The following SYT9 variants were observed in gnomAD, a reference collection of about 807,000 sequenced individuals.
The protein encoded by SYT9 is synaptotagmin 9, also known as synaptotagmin-9.
In SYT9, 22 loss-of-function variants were observed where a neutral mutation model predicts 48.4. The observed-to-expected ratio is 0.45, with a 90% CI of 0.32 to 0.65. The LOEUF is 0.65. SYT9 is among the 30% of genes least tolerant of loss of function. The probability of loss-of-function intolerance (pLI) is 0.03; values close to 1 mark genes in which losing one functional copy is unlikely to be tolerated. For missense variants in SYT9, 577 were observed against 622.0 expected (o/e 0.93, Z 0.77); for synonymous variants, 265 against 245.0 (o/e 1.08, Z -0.76).
At chr11:7,390,830 C>T (rs561346567) in intron 3 of SYT9, among the ~76,000 whole-genome samples, 18 of 152,012 alleles carry the variant, frequency 1.2e-4, no homozygotes, top group African/African-American at 4.8e-5. Context: ...TTTTAATTTC[C>T]GTTTTTAGTT....
At chr11:7,392,051 C>T (rs1846630592) in intron 3 of SYT9, among the ~76,000 whole-genome samples, 2 of 151,958 alleles carry the variant, frequency 1.3e-5, no homozygotes, top group Non-Finnish European at 2.9e-5. Context: ...AATATTTTCT[C>T]TCATTCTGTA....
chr11:7,303,176 A>C lies in SYT9; in HGVS notation c.283A>C (p.Asn95His), dbSNP rs1450633677. ...RGLPSGSKDNNQEPLNYMDTE... is the reference protein window; with the variant it reads ...RGLPSGSKDNHQEPLNYMDTE... ...CCTGCCCTCTGGTAGCAAAGACAACAACCAGGAGCCCCTTAACTACATGGA... is the reference window on the plus strand; with the variant it reads ...CCTGCCCTCTGGTAGCAAAGACAACCACCAGGAGCCCCTTAACTACATGGA... Residue 95 changes from asparagine to histidine, a missense_variant, in exon 2 of 7, where the codon AAC (asparagine) becomes CAC (histidine). By Grantham distance (68) the Asn-to-His change is moderately conservative. Transcript: ENST00000318881. 3 of 1,614,066 alleles carry C rather than the reference A, an allele frequency of 1.9e-6. No individual in the cohort carries two copies. Among genetic ancestry groups the C allele is most frequent in the Non-Finnish European group, 2.5e-6 (3 of 1,180,042 alleles).
intron 1 of SYT9, among the ~76,000 whole-genome samples, chr11:7,301,813 A>C (rs575543737): frequency 6.6e-6 from 1 of 152,318 alleles, no homozygotes; most frequent in South Asian, 2.1e-4. Flanking sequence ...TGTCCTTTAA[A>C]ATAAGGATTT....
At chr11:7,266,377 A>G (rs2119817858) in intron 1 of SYT9, among the ~76,000 whole-genome samples, 1 of 152,212 alleles carries the variant, frequency 6.6e-6, no homozygotes, top group Admixed American at 6.5e-5. Context: ...CTACAAAGAG[A>G]ACTAGAAAGT....
chr11:7,318,939 G>A (rs1209040415), intron 3 of SYT9, among the ~76,000 whole-genome samples: 1 of 152,086 alleles, frequency 6.6e-6, no homozygotes, highest in African/African-American at 2.4e-5. Flanking sequence ...GTCTTGTACT[G>A]TCCTTGTCTG....
intron 3 of SYT9, among the ~76,000 whole-genome samples, chr11:7,413,761 C>CTTTTTTT (rs61037405): frequency 6.9e-6 from 1 of 145,546 alleles, no homozygotes; most frequent in Non-Finnish European, 1.5e-5. Context: ...TTGTTTGTTC[C>CTTTTTTT]TTTTTTTTTT....
intron 3 of SYT9, among the ~76,000 whole-genome samples, chr11:7,357,415 AATTTTACACTGGTCTTCAAAACCAGT>A: frequency 6.6e-6 from 1 of 152,268 alleles, no homozygotes; most frequent in East Asian, 1.9e-4. Flanking sequence ...AAATAATATT[AATTTTACACTGGTCTTCAAAACCAGT>A]GTGGGTATTA....
intron 6 of SYT9, among the ~76,000 whole-genome samples, chr11:7,426,348 C>T (rs1847457971): frequency 6.6e-6 from 1 of 152,136 alleles, no homozygotes; most frequent in African/African-American, 2.4e-5. Context: ...GACCCCACAT[C>T]AGCTGTTGAA....
At chr11:7,464,171 T>TG (rs1325258035) in intron 6 of SYT9, among the ~76,000 whole-genome samples, 1 of 151,964 alleles carries the variant, frequency 6.6e-6, no homozygotes. Context: ...CACAGAACTG[T>TG]GGGGGCAAAC....
At chr11:7,277,649 A>G (rs1848422138) in intron 1 of SYT9, among the ~76,000 whole-genome samples, 1 of 152,186 alleles carries the variant, frequency 6.6e-6, no homozygotes, top group African/African-American at 2.4e-5. Context: ...GACTCAATGA[A>G]TAGTTCTTCA....
chr11:7,373,764 C>G (rs1176782280), intron 3 of SYT9, among the ~76,000 whole-genome samples: 1 of 152,090 alleles, frequency 6.6e-6, no homozygotes, highest in African/African-American at 2.4e-5. Context: ...TGTTTGGAAG[C>G]ACCTGGAGGG....
At chr11:7,400,978 A>G (rs1846878533) in intron 3 of SYT9, among the ~76,000 whole-genome samples, 1 of 152,114 alleles carries the variant, frequency 6.6e-6, no homozygotes, top group South Asian at 2.1e-4. Flanking sequence ...CCCTGAATAC[A>G]TTATTTTTTC....
At chr11:7,424,079 G>A (rs1421443318) in intron 6 of SYT9, among the ~76,000 whole-genome samples, 1 of 152,194 alleles carries the variant, frequency 6.6e-6, no homozygotes, top group Admixed American at 6.5e-5. Flanking sequence ...TCACTGCTGA[G>A]GAATTGGTTA....
chr11:7,358,245 G>A (rs1043191998), intron 3 of SYT9, among the ~76,000 whole-genome samples: 1 of 152,036 alleles, frequency 6.6e-6, no homozygotes, highest in Non-Finnish European at 1.5e-5. Context: ...TATAGTTTTA[G>A]ATGCTAGCAT....
chr11:7,394,291 T>G (rs183002136), intron 3 of SYT9, among the ~76,000 whole-genome samples: 2 of 152,306 alleles, frequency 1.3e-5, no homozygotes, highest in African/African-American at 4.8e-5. Flanking sequence ...GGACATGAAC[T>G]CATCATTTTT....
At chr11:7,269,031 T>G (rs1330117367) in intron 1 of SYT9, among the ~76,000 whole-genome samples, 1 of 152,124 alleles carries the variant, frequency 6.6e-6, no homozygotes, top group Non-Finnish European at 1.5e-5. Context: ...TTTTGAGGCC[T>G]GGCTATATCA....
chr11:7,436,401 C>T (rs1847710788), intron 6 of SYT9, among the ~76,000 whole-genome samples: 3 of 152,150 alleles, frequency 2.0e-5, no homozygotes, highest in African/African-American at 7.2e-5. Flanking sequence ...ACAGTATCTT[C>T]AGTAGGATTA....
At chr11:7,241,732 A>C (rs1250755105) in intron 1 of SYT9, among the ~76,000 whole-genome samples, 1 of 152,218 alleles carries the variant, frequency 6.6e-6, no homozygotes, top group Admixed American at 6.5e-5. Flanking sequence ...TTCTTTAGTA[A>C]GCTGTGTATA....
At chr11:7,277,637 A>G (rs1848421868) in intron 1 of SYT9, among the ~76,000 whole-genome samples, 2 of 152,234 alleles carry the variant, frequency 1.3e-5, no homozygotes, top group African/African-American at 4.8e-5. Context: ...TGTGGGCAAT[A>G]TGACTCAATG....
Sources: gnomAD v4.1 joint callset for allele counts (sites outside exome capture counted in the v4.1 genomes callset) on GRCh38, gnomAD v4.1.1 for gene constraint, MANE v1.5 for transcripts, NCBI Gene and HGNC (gene_info 2026-07-23, HGNC 2026-07-21) for gene names.